Variants in CCL11 observed in about 807,000 individuals in gnomAD.
The protein encoded by CCL11 is eotaxin.
CCL11 carries 7 observed loss-of-function variants against 7.3 expected under a neutral mutation model. That is an observed-to-expected ratio of 0.96 (90% CI 0.55 to 1.81). The LOEUF is 1.81. CCL11 is among the 40% of genes most tolerant of loss of function. The pLI is 0.00. For missense variants in CCL11, 132 were observed against 114.2 expected, an observed-to-expected ratio of 1.16 and a Z score of -0.71; for synonymous variants, 66 against 45.2, an observed-to-expected ratio of 1.46 and a Z score of -1.84.
intron 1 of CCL11, among the ~76,000 whole-genome samples, chr17:34,286,543 C>T (rs964000373): frequency 6.6e-6 from 1 of 152,214 alleles, no homozygotes; most frequent in Non-Finnish European, 1.5e-5. Context: ...GCATTTTATA[C>T]TCAGGATTCT....
Position 34,287,082 on chromosome 17 carries a change from TC to T in CCL11, c.77-10del. On this transcript the variant is annotated splice_polypyrimidine_tract_variant and intron_variant, in intron 1 of 2. Coordinates refer to ENST00000305869, the MANE Select transcript of CCL11 (RefSeq NM_002986.3). ...CATTTTTTTCTCTGTTCATTTTTTT[TC>T]CCCAAAATTCAGCTTCTGTCCCAAC... 1 of 1,581,960 alleles carries T rather than the reference TC, an allele frequency of 6.3e-7. No individual in the cohort carries two copies. Among genetic ancestry groups the T allele is most frequent in the South Asian group, 1.1e-5 (1 of 90,282 alleles).
chr17:34,287,839 G>A lies in CCL11; in HGVS notation c.*149G>A, dbSNP rs201073234. The A allele has an allele frequency of 1.5e-4, 44 of 295,822 alleles. No homozygotes were observed. Among genetic ancestry groups the A allele is most frequent in the Non-Finnish European group, 2.0e-4 (34 of 166,506 alleles). The allele number at this position is 295,822 out of a possible 1,614,324, so 18.3% of individuals were successfully genotyped here. ...ATATTTTTTTTTTTAAAAAAAAAACGTATTGCATTTAATTTATTGAGGCTT... is the reference window on the plus strand; with the variant it reads ...ATATTTTTTTTTTTAAAAAAAAAACATATTGCATTTAATTTATTGAGGCTT... On this transcript the variant is annotated 3_prime_UTR_variant, in exon 3 of 3. Coordinates refer to ENST00000305869, the MANE Select transcript of CCL11 (RefSeq NM_002986.3).
rs1415744793 is a variant in CCL11, at chr17:34,287,151, G to A, written c.132G>A (p.Gln44=). Reference sequence around the variant, plus strand: ...TGGCCAATAGGAAGATACCCCTTCAGCGACTAGAGAGCTACAGGAGAATCA... The same window carrying A: ...TGGCCAATAGGAAGATACCCCTTCAACGACTAGAGAGCTACAGGAGAATCA... ...FNLANRKIPL[Q]RLESYRRITS... Residue 44 remains glutamine (Q), a synonymous_variant, in exon 2 of 3, where the codon CAG becomes CAA. Transcript: ENST00000305869. 1.2e-6 allele frequency: 2 copies of A among 1,613,982 alleles called. No individual in the cohort carries two copies. The highest frequency in any genetic ancestry group is 1.7e-5 in the Admixed American group (1 of 60,020).
At chr17:34,286,585 A>C (rs1200037981) in intron 1 of CCL11, among the ~76,000 whole-genome samples, 1 of 152,246 alleles carries the variant, frequency 6.6e-6, no homozygotes, top group Non-Finnish European at 1.5e-5. Context: ...ATGTGGGGGA[A>C]CATTGATGGA....
At chr17:34,286,630 CT>C (rs2142211792) in intron 1 of CCL11, among the ~76,000 whole-genome samples, 1 of 152,340 alleles carries the variant, frequency 6.6e-6, no homozygotes, top group South Asian at 2.1e-4. Flanking sequence ...TCTCAGGAGT[CT>C]TGCATAGGCA....
Position 34,285,781 on chromosome 17 carries a change from G to C in CCL11, c.-28G>C, listed in dbSNP as rs201467666. The C allele has an allele frequency of 1.6e-5, 25 of 1,591,364 alleles. No homozygotes were observed. The highest frequency in any genetic ancestry group is 2.1e-5 in the Non-Finnish European group (25 of 1,165,474). ...CAACCCAGAAACCACCACCTCTCAC[G>C]CCAAAGCTCACACCTTCAGCCTCCA... is the stretch of plus-strand genomic sequence containing the variant. On this transcript the variant is annotated 5_prime_UTR_variant, in exon 1 of 3. Coordinates refer to ENST00000305869, the MANE Select transcript of CCL11 (RefSeq NM_002986.3).
intron 2 of CCL11, 51 bp from the exon 3 acceptor site, chr17:34,287,534 G>T: frequency 7.6e-7 from 1 of 1,314,768 alleles, no homozygotes; most frequent in Non-Finnish European, 1.1e-6. Context: ...GGGTCAAATG[G>T]GCAGAATTTT....
intron 1 of CCL11, among the ~76,000 whole-genome samples, chr17:34,286,399 G>A (rs41509752): frequency 0.083 from 12,688 of 152,114 alleles, 544 homozygotes; most frequent in Middle Eastern, 0.13. Context: ...TGAGTGTATC[G>A]GTCCCACTGA....
chr17:34,287,174 T>G lies in CCL11; in HGVS notation c.155T>G (p.Ile52Ser). ...CAGCGACTAGAGAGCTACAGGAGAA[T>G]CACCAGTGGCAAATGTCCCCAGAAA... ...PLQRLESYRR[I>S]TSGKCPQKAV... Residue 52 changes from isoleucine to serine, a missense_variant, in exon 2 of 3, where the codon ATC (isoleucine) becomes AGC (serine). Ile to Ser is a moderately radical substitution (Grantham distance 142). Transcript: ENST00000305869. The G allele has an allele frequency of 6.2e-7, 1 of 1,613,898 alleles. No homozygotes were observed. Among genetic ancestry groups the G allele is most frequent in the Non-Finnish European group, 8.5e-7 (1 of 1,179,854 alleles).
At position 34,285,838 on chromosome 17, in the gene CCL11, G is replaced by C. The variant is rs748978020; in HGVS notation, c.30G>C (p.Leu10=). 1 of 1,612,896 alleles carries C rather than the reference G, an allele frequency of 6.2e-7. No individual in the cohort carries two copies. Among genetic ancestry groups the C allele is most frequent in the African/African-American group, 1.3e-5 (1 of 74,998 alleles). MKVSAALLW[L]LLIAAAFSPQ... ...AGGTCTCCGCAGCACTTCTGTGGCT[G>C]CTGCTCATAGCAGCTGCCTTCAGCC... The change falls in exon 1 of 3, where the codon CTG becomes CTC. Residue 10 remains leucine, a synonymous_variant. Coordinates refer to ENST00000305869, the MANE Select transcript of CCL11 (RefSeq NM_002986.3).
At chr17:34,286,579 G>T (rs556607668) in intron 1 of CCL11, among the ~76,000 whole-genome samples, 126 of 152,328 alleles carry the variant, frequency 8.3e-4, no homozygotes, top group Admixed American at 9.8e-4. Context: ...TTGCCCATGT[G>T]GGGGAACATT....
At position 34,287,125 on chromosome 17, in the gene CCL11, C is replaced by T. The variant is rs772949504; in HGVS notation, c.106C>T (p.Leu36=). Reference sequence around the variant, plus strand: ...TGTCCCAACCACCTGCTGCTTTAACCTGGCCAATAGGAAGATACCCCTTCA... The same window carrying T: ...TGTCCCAACCACCTGCTGCTTTAACTTGGCCAATAGGAAGATACCCCTTCA... ...ASVPTTCCFN[L]ANRKIPLQRL... is the part of the protein sequence containing the mutation. The change falls in exon 2 of 3, where the codon CTG becomes TTG. Residue 36 remains leucine, a synonymous_variant. Coordinates refer to ENST00000305869, the MANE Select transcript of CCL11 (RefSeq NM_002986.3). 2.5e-6 allele frequency: 4 copies of T among 1,613,878 alleles called. No individual in the cohort carries two copies. Among genetic ancestry groups the T allele is most frequent in the Non-Finnish European group, 8.5e-7 (1 of 1,179,876 alleles).
rs903446324 is a variant in CCL11 at position 34,285,992 on chromosome 17, G to A, written c.76+108G>A. On this transcript the variant is annotated intron_variant, in intron 1 of 2. Coordinates refer to ENST00000305869, the MANE Select transcript of CCL11 (RefSeq NM_002986.3). Reference sequence around the variant, plus strand: ...TGCAAATTCTCCATTTGAAAAATAGGGAAACAGGTTTTGTGGGTGGACAAG... The same window carrying A: ...TGCAAATTCTCCATTTGAAAAATAGAGAAACAGGTTTTGTGGGTGGACAAG... 22 of 752,052 alleles carry A rather than the reference G, an allele frequency of 2.9e-5. No individual in the cohort carries two copies. The African/African-American group carries it at 3.4e-4, about 12-fold the overall frequency. The allele number at this position is 752,052 out of a possible 1,614,324, so 46.6% of individuals were successfully genotyped here.
At chr17:34,286,776 A>C (rs1369349773) in intron 1 of CCL11, among the ~76,000 whole-genome samples, 1 of 152,234 alleles carries the variant, frequency 6.6e-6, no homozygotes, top group Non-Finnish European at 1.5e-5. Flanking sequence ...GAGGATGGAG[A>C]ATATTTGGTG....
At chr17:34,287,551 C>T (rs577536432) in intron 2 of CCL11, 34 bp from the exon 3 acceptor site, 2 of 1,490,982 alleles carry the variant, frequency 1.3e-6, no homozygotes, top group African/African-American at 1.4e-5. Flanking sequence ...TTTTCAAAAA[C>T]AATCCTTCCA....
In CCL11 at chr17:34,287,146, C is replaced by T; in HGVS notation, c.127C>T (p.Leu43Phe). The T allele has an allele frequency of 6.2e-7, 1 of 1,614,026 alleles. No homozygotes were observed. ...TAACCTGGCCAATAGGAAGATACCC[C>T]TTCAGCGACTAGAGAGCTACAGGAG... ...CFNLANRKIP[L>F]QRLESYRRIT... is the part of the protein sequence containing the mutation. Residue 43 changes from leucine (L) to phenylalanine (F), a missense_variant, in exon 2 of 3, where the codon CTT becomes TTT. By Grantham distance (22) the Leu-to-Phe change is conservative. Transcript: ENST00000305869.
chr17:34,287,068 C>A, intron 1 of CCL11, 28 bp from the exon 2 acceptor site: 1 of 1,476,526 alleles, frequency 6.8e-7, no homozygotes, highest in South Asian at 1.1e-5. Flanking sequence ...ATTTTTTTCT[C>A]TGTTCATTTT....
At position 34,287,817 on chromosome 17, in the gene CCL11, T is replaced by TCTA. The variant is rs201654151; in HGVS notation, c.*127_*128insCTA. On this transcript the variant is annotated 3_prime_UTR_variant, in exon 3 of 3. Coordinates refer to ENST00000305869, the MANE Select transcript of CCL11 (RefSeq NM_002986.3). The stretch of plus-strand genomic sequence containing the variant: ...GCATGGGTTTTATTATATATATATA[T>TCTA]TTTTTTTTTTAAAAAAAAAACGTAT... The TCTA allele has an allele frequency of 4.9e-5, 12 of 243,022 alleles. No individual in the cohort carries two copies. The highest frequency in any genetic ancestry group is 6.9e-5 in the Non-Finnish European group (10 of 144,420). 15.1% of individuals were successfully genotyped at this position (243,022 alleles called of 1,614,324 possible). A position where few individuals can be genotyped will look rare whatever the true frequency, so the allele number is the denominator to read the frequency against.
Position 34,287,621 on chromosome 17 carries a change from C to T in CCL11, c.225C>T (p.Asp75=), listed in dbSNP as rs201593228. Residue 75 remains aspartate (D), a synonymous_variant, in exon 3 of 3, where the codon GAC becomes GAT. Coordinates refer to ENST00000305869, the MANE Select transcript of CCL11 (RefSeq NM_002986.3). ...AACTGGCCAAGGATATCTGTGCCGA[C>T]CCCAAGAAGAAGTGGGTGCAGGATT... ...KTKLAKDICA[D]PKKKWVQDSM... is the part of the protein sequence containing the mutation. 6.2e-7 allele frequency: 1 copy of T among 1,613,884 alleles called. No individual in the cohort carries two copies. The highest frequency in any genetic ancestry group is 8.5e-7 in the Non-Finnish European group (1 of 1,179,906).
Sources: allele counts gnomAD v4.1 joint callset (sites outside exome capture counted in the v4.1 genomes callset), GRCh38; gene constraint gnomAD v4.1.1; transcripts MANE v1.5; gene names NCBI Gene and HGNC (gene_info 2026-07-23, HGNC 2026-07-21).